The following RRM2B variants were observed in gnomAD, a reference collection of about 807,000 sequenced individuals.
RRM2B encodes ribonucleotide reductase regulatory TP53 inducible subunit M2B.
A neutral mutation model predicts 45.9 loss-of-function variants in RRM2B; 20 were observed. The observed-to-expected ratio is 0.44, with a 90% confidence interval of 0.31 to 0.63. The LOEUF (loss-of-function observed/expected upper bound fraction) is 0.63. Among genes scored for constraint, RRM2B ranks in the 30% least tolerant of loss-of-function variants. The pLI is 0.09. For missense variants in RRM2B, 320 were observed against 414.7 expected (o/e 0.77, Z 1.98); for synonymous variants, 124 against 132.3 (o/e 0.94, Z 0.43).
In RRM2B at chr8:102,225,911, A is replaced by C. The variant is rs749337701; in HGVS notation, c.321+7T>G. ...AGAACAAAAGTTAAATCAAGCAAAA[A>C]TCTTACCAAATTTTCATTTACAATT... On this transcript the variant is annotated splice_region_variant and intron_variant, in intron 3 of 8. Coordinates refer to ENST00000251810, the MANE Select transcript of RRM2B (RefSeq NM_015713.5). 1 of 1,518,366 alleles carries C rather than the reference A, an allele frequency of 6.6e-7. No homozygotes were observed. The highest frequency in any genetic ancestry group is 1.1e-5 in the South Asian group (1 of 89,064). 94.1% of individuals were successfully genotyped at this position (1,518,366 alleles called of 1,614,324 possible).
intron 2 of RRM2B, among the ~76,000 whole-genome samples, chr8:102,227,715 G>A (rs1414016397): frequency 2.0e-5 from 3 of 152,072 alleles, no homozygotes; most frequent in Non-Finnish European, 4.4e-5. Flanking sequence ...AACATTTCTG[G>A]AAGCTGAAAG....
intron 4 of RRM2B, among the ~76,000 whole-genome samples, chr8:102,224,343 G>A (rs558977726): frequency 4.3e-4 from 66 of 152,122 alleles, no homozygotes; most frequent in Non-Finnish European, 7.2e-4. Flanking sequence ...CACCACGCCC[G>A]GCTAGTATTT....
Position 102,204,688 on chromosome 8 carries a change from A to T in RRM2B, c.*3445T>A, listed in dbSNP as rs1385682243. 1.3e-5 allele frequency: 2 copies of T among 152,192 alleles called. No individual in the cohort carries two copies. The highest frequency in any genetic ancestry group is 2.9e-5 in the Non-Finnish European group (2 of 68,026). 9.4% of individuals were successfully genotyped at this position (152,192 alleles called of 1,614,324 possible). Reference sequence around the variant, plus strand: ...TGTACATGCAGGCTTGGCTTGATTGACCATAATGTATTTCAGCAAAAAAAA... The same window carrying T: ...TGTACATGCAGGCTTGGCTTGATTGTCCATAATGTATTTCAGCAAAAAAAA... On this transcript the variant is annotated 3_prime_UTR_variant, in exon 9 of 9. Coordinates refer to ENST00000251810, the MANE Select transcript of RRM2B (RefSeq NM_015713.5).
At position 102,226,041 on chromosome 8, in the gene RRM2B, T is replaced by A; in HGVS notation, c.205-7A>T. 1 of 1,562,652 alleles carries A rather than the reference T, an allele frequency of 6.4e-7. No homozygotes were observed. Among genetic ancestry groups the A allele is most frequent in the Non-Finnish European group, 8.8e-7 (1 of 1,133,428 alleles). On this transcript the variant is annotated splice_region_variant and splice_polypyrimidine_tract_variant and intron_variant, in intron 2 of 8. Transcript: ENST00000251810. ...GATCCTTTGATAAGTCGACCTGGAA[T>A]AAAAAGATTTTCAAAAATTTTAATT... is the stretch of plus-strand genomic sequence containing the variant.
At chr8:102,235,351 G>A (rs1235061916) in intron 1 of RRM2B, among the ~76,000 whole-genome samples, 1 of 152,184 alleles carries the variant, frequency 6.6e-6, no homozygotes, top group Non-Finnish European at 1.5e-5. Context: ...TCCAGTAACT[G>A]GGTGATAACA....
Position 102,212,881 on chromosome 8 carries a change from T to C in RRM2B, c.798A>G (p.Leu266=). Residue 266 remains leucine, a synonymous_variant, in exon 8 of 9, where the codon TTA becomes TTG. Coordinates refer to ENST00000251810, the MANE Select transcript of RRM2B (RefSeq NM_015713.5). The stretch of plus-strand genomic sequence containing the variant: ...TGAGGCCAACTGGCAAGGCTTCTGT[T>C]AAAAACTCCTGGGATGAAAACAAAA... The part of the protein sequence containing the change: ...VDAVKIEQEF[L]TEALPVGLIG... 6.4e-7 allele frequency: 1 copy of C among 1,564,484 alleles called. No individual in the cohort carries two copies. Among genetic ancestry groups the C allele is most frequent in the Non-Finnish European group, 8.8e-7 (1 of 1,135,314 alleles).
At chr8:102,223,773 T>G (rs1257490593) in intron 5 of RRM2B, among the ~76,000 whole-genome samples, 2 of 150,100 alleles carry the variant, frequency 1.3e-5, no homozygotes, top group Non-Finnish European at 3.0e-5. Flanking sequence ...ATAATACTCT[T>G]GTTATTGCTA....
intron 8 of RRM2B, among the ~76,000 whole-genome samples, chr8:102,211,695 C>A (rs375016117): frequency 1.6e-3 from 249 of 152,216 alleles, no homozygotes; most frequent in South Asian, 0.011. Flanking sequence ...AACACAATTT[C>A]TTTTAATATA....
At chr8:102,213,594 G>A (rs1033647473) in intron 7 of RRM2B, among the ~76,000 whole-genome samples, 1 of 151,964 alleles carries the variant, frequency 6.6e-6, no homozygotes, top group African/African-American at 2.4e-5. Flanking sequence ...TAAGAAATCC[G>A]TACATACCCT....
rs1208498376 is a variant in RRM2B, at chr8:102,204,862, GCAAT to G, written c.*3267_*3270del. The G allele has an allele frequency of 3.3e-5, 5 of 152,136 alleles. No homozygotes were observed. The highest frequency in any genetic ancestry group is 1.2e-4 in the African/African-American group (5 of 41,436). 9.4% of individuals were successfully genotyped at this position (152,136 alleles called of 1,614,324 possible). A position where few individuals can be genotyped will look rare whatever the true frequency, so the allele number is the denominator to read the frequency against. On this transcript the variant is annotated 3_prime_UTR_variant, in exon 9 of 9. Coordinates refer to ENST00000251810, the MANE Select transcript of RRM2B (RefSeq NM_015713.5). ...GTGACCTTATTTAACTGTACAAAAA[GCAAT>G]CATTCTCTCCAGCCTTCCATCTTCA...
At chr8:102,226,254 T>C (rs1005573546) in intron 2 of RRM2B, among the ~76,000 whole-genome samples, 4 of 151,642 alleles carry the variant, frequency 2.6e-5, no homozygotes, top group Non-Finnish European at 4.4e-5. Context: ...CTATTCTTGG[T>C]GGGGGGGTGA....
chr8:102,214,946 TG>T (rs1322389023), intron 6 of RRM2B, among the ~76,000 whole-genome samples: 1 of 140,358 alleles, frequency 7.1e-6, no homozygotes. Context: ...GTTATACAAA[TG>T]CAATAGAATC....
At chr8:102,238,788 T>C (rs1238835377) in intron 1 of RRM2B, 39 bp downstream of exon 1, 1 of 1,613,560 alleles carries the variant, frequency 6.2e-7, no homozygotes, top group East Asian at 2.2e-5. Context: ...CGGGCTGGCG[T>C]GACTGCGGTG....
In RRM2B at chr8:102,232,200, A is replaced by G. The variant is rs778930469; in HGVS notation, c.153T>C (p.Asp51=). ...GTGCCTGTTTATACATTTTCCAAATATCAGGGTACTGGATTGGAAAGATGA... is the reference window on the plus strand; with the variant it reads ...GTGCCTGTTTATACATTTTCCAAATGTCAGGGTACTGGATTGGAAAGATGA... ...RFVIFPIQYP[D]IWKMYKQAQA... is the part of the protein sequence containing the mutation. Residue 51 remains aspartate, a synonymous_variant, in exon 2 of 9, where the codon GAT becomes GAC. Transcript: ENST00000251810. 1.2e-5 allele frequency: 19 copies of G among 1,614,098 alleles called. No individual in the cohort carries two copies. Among genetic ancestry groups the G allele is most frequent in the Non-Finnish European group, 1.7e-6 (2 of 1,180,022 alleles).
chr8:102,238,769 G>A (rs756615197), intron 1 of RRM2B, 58 bp downstream of exon 1: 3 of 1,613,088 alleles, frequency 1.9e-6, no homozygotes, highest in Non-Finnish European at 1.7e-6. Context: ...CCTGCAACTT[G>A]CAATCTAACG....
chr8:102,238,537 T>G, intron 1 of RRM2B: 1 of 1,481,300 alleles, frequency 6.8e-7, no homozygotes, highest in Non-Finnish European at 9.0e-7. Context: ...GTGAGGCGGA[T>G]AAACGCAGGG....
chr8:102,216,758 G>T (rs1423219403), intron 6 of RRM2B, among the ~76,000 whole-genome samples: 1 of 152,066 alleles, frequency 6.6e-6, no homozygotes, highest in East Asian at 1.9e-4. Context: ...TGAAAAAAGT[G>T]TTCAATCTAA....
At chr8:102,231,229 T>C (rs189447288) in intron 2 of RRM2B, among the ~76,000 whole-genome samples, 6 of 152,342 alleles carry the variant, frequency 3.9e-5, no homozygotes, top group Non-Finnish European at 5.9e-5. Flanking sequence ...TTTTCTAGTT[T>C]GCTGTGTTCA....
chr8:102,219,014 C>T, intron 5 of RRM2B, 67 bp from the exon 6 acceptor site: 2 of 1,406,482 alleles, frequency 1.4e-6, no homozygotes, highest in Non-Finnish European at 2.0e-6. Flanking sequence ...TATATATACA[C>T]ATATATAACA....
Sources: allele counts gnomAD v4.1 joint callset (sites outside exome capture counted in the v4.1 genomes callset), GRCh38; gene constraint gnomAD v4.1.1; transcripts MANE v1.5; gene names NCBI Gene and HGNC (gene_info 2026-07-23, HGNC 2026-07-21).